The following MED1 variants were observed in gnomAD, a reference collection of about 807,000 sequenced individuals.
The protein encoded by MED1 is mediator complex subunit 1, also known as mediator of RNA polymerase II transcription subunit 1.
Under a neutral mutation model 121.3 loss-of-function variants are expected in MED1, and 17 were observed. The ratio of observed to expected loss-of-function variants is 0.14; its 90% CI spans 0.10 to 0.21. The LOEUF (loss-of-function observed/expected upper bound fraction) is 0.21. Ranked by LOEUF, MED1 falls within the 10% of genes least tolerant of loss-of-function variation. The pLI is 1.00. For synonymous variants in MED1, 661 were observed against 694.4 expected (o/e 0.95, Z 0.76); for missense variants, 1,558 against 1,919.4 (o/e 0.81, Z 3.52).
chr17:39,446,256 C>T (rs2048725966), intron 2 of MED1, among the ~76,000 whole-genome samples: 1 of 151,416 alleles, frequency 6.6e-6, no homozygotes, highest in African/African-American at 2.4e-5. Flanking sequence ...CGAGACCATC[C>T]TGGCTAACAC....
chr17:39,410,479 C>T lies in MED1; in HGVS notation c.1742G>A (p.Ser581Asn). The T allele has an allele frequency of 6.2e-7, 1 of 1,614,018 alleles. No individual in the cohort carries two copies. ...PITTLFNMSM[S>N]IKDRHESVGH... ...CACCGACTCATGCCGATCTTTGATGCTCATGCTCATATTAAACAAGGTGGT... is the reference window on the plus strand; with the variant it reads ...CACCGACTCATGCCGATCTTTGATGTTCATGCTCATATTAAACAAGGTGGT... Residue 581 changes from serine (S) to asparagine (N), a missense_variant, in exon 17 of 17, where the codon AGC becomes AAC. Transcript: ENST00000300651.
intron 14 of MED1, among the ~76,000 whole-genome samples, chr17:39,416,457 C>T (rs2048410195): frequency 6.6e-6 from 1 of 152,180 alleles, no homozygotes; most frequent in South Asian, 2.1e-4. Context: ...GATGTGCTAG[C>T]AGCCTAGACA....
In MED1 at chr17:39,404,966, A is replaced by G; in HGVS notation, c.*2509T>C. On this transcript the variant is annotated 3_prime_UTR_variant, in exon 17 of 17. Transcript: ENST00000300651. ...GAGCAGGTTATGACCAAGAACCCCT[A>G]ATGTTAAGTCAAAAGACAGAAGAGG... 3.2e-6 allele frequency: 1 copy of G among 313,304 alleles called. No individual in the cohort carries two copies. The highest frequency in any genetic ancestry group is 7.9e-5 in the South Asian group (1 of 12,700). 19.4% of individuals were successfully genotyped at this position (313,304 alleles called of 1,614,324 possible).
chr17:39,425,267 T>G (rs1165840431), intron 10 of MED1, among the ~76,000 whole-genome samples: 2 of 152,100 alleles, frequency 1.3e-5, no homozygotes, highest in South Asian at 2.1e-4. Context: ...CTCGACTCAC[T>G]GCAATCTCCA....
chr17:39,409,290 G>A lies in MED1; in HGVS notation c.2931C>T (p.Gly977=). The change falls in exon 17 of 17, where the codon GGC becomes GGT. Residue 977 remains glycine (G), a synonymous_variant. Transcript: ENST00000300651. ...KTQKRVKEGN[G]TSNSTLSGPG... is the part of the protein sequence containing the mutation. ...GCCCCGAGAGAGTACTATTACTGGTGCCATTGCCTTCCTTTACCCTCTTTT... is the reference window on the plus strand; with the variant it reads ...GCCCCGAGAGAGTACTATTACTGGTACCATTGCCTTCCTTTACCCTCTTTT... The A allele has an allele frequency of 1.2e-6, 2 of 1,614,038 alleles. No homozygotes were observed. Among genetic ancestry groups the A allele is most frequent in the Non-Finnish European group, 1.7e-6 (2 of 1,180,016 alleles).
At chr17:39,414,376 C>T (rs2048385975) in intron 16 of MED1, among the ~76,000 whole-genome samples, 1 of 150,836 alleles carries the variant, frequency 6.6e-6, no homozygotes, top group Non-Finnish European at 1.5e-5. Flanking sequence ...CACTCTGTTG[C>T]CCAGGCTGGA....
At chr17:39,429,254 A>C (rs1309807974) in intron 9 of MED1, among the ~76,000 whole-genome samples, 2 of 152,090 alleles carry the variant, frequency 1.3e-5, no homozygotes, top group Non-Finnish European at 2.9e-5. Context: ...CAGGGGGCTG[A>C]GGTGGGAAGA....
At chr17:39,443,521 A>G in intron 3 of MED1, 29 bp downstream of exon 3, 1 of 1,586,876 alleles carries the variant, frequency 6.3e-7, no homozygotes, top group Non-Finnish European at 8.7e-7. Flanking sequence ...GTTTTGTGAA[A>G]TCAGCATATT....
intron 14 of MED1, among the ~76,000 whole-genome samples, chr17:39,415,654 T>C (rs2048401565): frequency 6.6e-6 from 1 of 151,640 alleles, no homozygotes; most frequent in African/African-American, 2.4e-5. Flanking sequence ...CTACTAAAAA[T>C]ACAAAATACA....
intron 6 of MED1, among the ~76,000 whole-genome samples, chr17:39,438,535 T>A (rs2048642395): frequency 6.6e-6 from 1 of 151,782 alleles, no homozygotes; most frequent in South Asian, 2.1e-4. Context: ...CTTTTTTTAG[T>A]AGAGATGGGG....
chr17:39,427,662 C>T (rs201349033), intron 10 of MED1, 39 bp downstream of exon 10: 120 of 1,468,764 alleles, frequency 8.2e-5, no homozygotes, highest in Middle Eastern at 3.5e-4. Context: ...AGCTGGGCAC[C>T]GAACAAAACC....
chr17:39,410,751 C>T (rs200019185), intron 16 of MED1, 30 bp from the exon 17 acceptor site: 46 of 1,563,368 alleles, frequency 2.9e-5, no homozygotes, highest in South Asian at 2.2e-4. Context: ...ACAAAGTTAA[C>T]ATTGCAATAG....
intron 5 of MED1, among the ~76,000 whole-genome samples, chr17:39,439,492 G>A (rs1319426105): frequency 6.6e-6 from 1 of 152,100 alleles, no homozygotes; most frequent in Non-Finnish European, 1.5e-5. Flanking sequence ...AAATTATCTG[G>A]TTACACAGAT....
Position 39,409,515 on chromosome 17 carries a change from T to C in MED1, c.2706A>G (p.Ala902=), listed in dbSNP as rs1423009439. ...GCATTGGCACCCCCAAAGTATTTAG[T>C]GCCTGAGATGCAAATCCTTTGAAAT... is the stretch of plus-strand genomic sequence containing the variant. The part of the protein sequence containing the change: ...NDDFKGFASQ[A]LNTLGVPMLG... Residue 902 remains alanine (A), a synonymous_variant, in exon 17 of 17, where the codon GCA becomes GCG. Coordinates refer to ENST00000300651, the MANE Select transcript of MED1 (RefSeq NM_004774.4). The C allele has an allele frequency of 6.2e-7, 1 of 1,614,210 alleles. No individual in the cohort carries two copies. The highest frequency in any genetic ancestry group is 1.3e-5 in the African/African-American group (1 of 75,060).
intron 1 of MED1, among the ~76,000 whole-genome samples, chr17:39,449,130 T>C (rs932845492): frequency 6.6e-6 from 1 of 151,984 alleles, no homozygotes; most frequent in Non-Finnish European, 1.5e-5. Flanking sequence ...CAACCTCCCA[T>C]GCTCCAGGAT....
rs1567657044 is a variant in MED1 at position 39,451,068 on chromosome 17, A to C, written c.-6T>G. 6.2e-7 allele frequency: 1 copy of C among 1,611,016 alleles called. No individual in the cohort carries two copies. The highest frequency in any genetic ancestry group is 8.5e-7 in the Non-Finnish European group (1 of 1,178,804). On this transcript the variant is annotated 5_prime_UTR_variant, in exon 1 of 17. Transcript: ENST00000300651. ...GTTTCCCCCTGAGCTTTCATCCTGA[A>C]GGCGAGGAGAAGCTAGATCCGCCAC...
intron 12 of MED1, 111 bp from the exon 13 acceptor site, chr17:39,423,556 T>C (rs2048486879): frequency 7.0e-7 from 1 of 1,423,800 alleles, no homozygotes; most frequent in Non-Finnish European, 9.9e-7. Flanking sequence ...ACTAAGCATT[T>C]ACTAGTACAA....
At position 39,405,461 on chromosome 17, in the gene MED1, T is replaced by A. The variant is rs1597847983; in HGVS notation, c.*2014A>T. On this transcript the variant is annotated 3_prime_UTR_variant, in exon 17 of 17. Coordinates refer to ENST00000300651, the MANE Select transcript of MED1 (RefSeq NM_004774.4). ...AACAAATTTTAAAAACCACATAAAT[T>A]TTTTTTTTTTTCCTGCAGAAACCAA... The A allele has an allele frequency of 4.2e-6, 5 of 1,179,672 alleles. No homozygotes were observed. Among genetic ancestry groups the A allele is most frequent in the South Asian group, 4.3e-5 (2 of 46,414 alleles). 73.1% of individuals were successfully genotyped at this position (1,179,672 alleles called of 1,614,324 possible). A position where few individuals can be genotyped will look rare whatever the true frequency, so the allele number is the denominator to read the frequency against.
chr17:39,408,689 G>A lies in MED1; in HGVS notation c.3532C>T (p.Pro1178Ser). The A allele has an allele frequency of 6.2e-7, 1 of 1,614,192 alleles. No homozygotes were observed. The highest frequency in any genetic ancestry group is 8.5e-7 in the Non-Finnish European group (1 of 1,180,032). ...AAAGAAGGATTCATAAGTGATGATGGCTTTCCTTGAGGTTTCATCTTGGTG... is the reference window on the plus strand; with the variant it reads ...AAAGAAGGATTCATAAGTGATGATGACTTTCCTTGAGGTTTCATCTTGGTG... ...SSTKMKPQGK[P>S]SSLMNPSLSK... The change falls in exon 17 of 17, where the codon CCA becomes TCA. Residue 1178 changes from proline (P) to serine (S), a missense_variant. Around this residue, in one of 5 missense-constraint regions of MED1, gnomAD observed 793 missense variants for 898.2 expected, o/e 0.88. Transcript: ENST00000300651. The surrounding 1 kb of genome is among the most constrained non-coding windows in gnomAD (Gnocchi z 4.7).
Sources: allele counts gnomAD v4.1 joint callset (sites outside exome capture counted in the v4.1 genomes callset), GRCh38; gene constraint gnomAD v4.1.1; regional missense constraint gnomAD v4.1.1; non-coding constraint Gnocchi (gnomAD v3.1); transcripts MANE v1.5; gene names NCBI Gene and HGNC (gene_info 2026-07-23, HGNC 2026-07-21).